Variants in TTC17 observed in about 807,000 individuals in gnomAD.
TTC17 encodes tetratricopeptide repeat domain 17, also known as tetratricopeptide repeat protein 17.
A neutral mutation model predicts 143.8 loss-of-function variants in TTC17; 58 were observed. The observed-to-expected ratio is 0.40, with a 90% confidence interval of 0.33 to 0.50. The LOEUF is 0.50. TTC17 is among the 20% of genes least tolerant of loss of function. The pLI, the probability that TTC17 is intolerant of heterozygous loss-of-function variation, is 0.49. For missense variants in TTC17, 1,273 were observed against 1,392.5 expected (o/e 0.91, Z 1.37); for synonymous variants, 501 against 497.8 (o/e 1.01, Z -0.09).
intron 16 of TTC17, among the ~76,000 whole-genome samples, chr11:43,439,348 A>T (rs1947362606): frequency 6.6e-6 from 1 of 152,080 alleles, no homozygotes; most frequent in African/African-American, 2.4e-5. Flanking sequence ...TGCTTTGGAT[A>T]TCTCTTAAAG....
intron 10 of TTC17, 92 bp from the exon 11 acceptor site, chr11:43,403,906 A>T (rs1857987959): frequency 8.9e-7 from 1 of 1,124,696 alleles, no homozygotes; most frequent in Non-Finnish European, 1.2e-6. Context: ...ACTAATTTTG[A>T]ATATTCACTC....
chr11:43,476,566 A>C (rs990491250), intron 21 of TTC17, among the ~76,000 whole-genome samples: 1 of 152,198 alleles, frequency 6.6e-6, no homozygotes, highest in East Asian at 1.9e-4. Flanking sequence ...CTGTGCACCC[A>C]CAGGCTCAAC....
intron 21 of TTC17, among the ~76,000 whole-genome samples, chr11:43,477,372 C>T (rs1948204117): frequency 6.6e-6 from 1 of 152,158 alleles, no homozygotes; most frequent in Admixed American, 6.5e-5. Context: ...TCAGCAGTGC[C>T]CCACTCTGCT....
chr11:43,445,800 C>T, intron 18 of TTC17: 1 of 620,182 alleles, frequency 1.6e-6, no homozygotes, highest in Non-Finnish European at 2.9e-6. Context: ...TGAATCCTAA[C>T]CAAGTTATAA....
chr11:43,385,122 A>G (rs1857122135), intron 2 of TTC17, among the ~76,000 whole-genome samples: 1 of 152,230 alleles, frequency 6.6e-6, no homozygotes, highest in Non-Finnish European at 1.5e-5. Context: ...GCAGATCTTT[A>G]TCAGAAACTG....
intron 16 of TTC17, 78 bp downstream of exon 16, chr11:43,414,854 A>C: frequency 6.9e-7 from 1 of 1,452,380 alleles, no homozygotes; most frequent in Non-Finnish European, 9.4e-7. Flanking sequence ...ACAGAAAATG[A>C]TTTTCTCTAT....
intron 11 of TTC17, among the ~76,000 whole-genome samples, chr11:43,405,065 A>G (rs1858049363): frequency 6.7e-6 from 1 of 149,708 alleles, no homozygotes; most frequent in Non-Finnish European, 1.5e-5. Context: ...TGGCCCAGTG[A>G]TGTCATCAGT....
intron 5 of TTC17, among the ~76,000 whole-genome samples, chr11:43,394,077 A>AG (rs1392608284): frequency 6.6e-6 from 1 of 152,208 alleles, no homozygotes; most frequent in Admixed American, 6.5e-5. Flanking sequence ...GACTTCATTT[A>AG]GCCTTTATCC....
At chr11:43,479,036 C>T (rs544448520) in intron 21 of TTC17, among the ~76,000 whole-genome samples, 109 of 152,130 alleles carry the variant, frequency 7.2e-4, no homozygotes, top group Middle Eastern at 3.4e-3. Flanking sequence ...GTCAGGAGTT[C>T]GAGACTAGCC....
In TTC17 at chr11:43,400,033, A is replaced by G; in HGVS notation, c.1204A>G (p.Lys402Glu). 1 of 1,613,138 alleles carries G rather than the reference A, an allele frequency of 6.2e-7. No individual in the cohort carries two copies. Among genetic ancestry groups the G allele is most frequent in the Non-Finnish European group, 8.5e-7 (1 of 1,179,658 alleles). ...RNIIHETQMAKEAQLGNHQIC... is the reference protein window; with the variant it reads ...RNIIHETQMAEEAQLGNHQIC... ...TATCATTCATGAGACTCAGATGGCAAAAGAGGCACAATTAGGTAAGTAGTG... is the reference window on the plus strand; with the variant it reads ...TATCATTCATGAGACTCAGATGGCAGAAGAGGCACAATTAGGTAAGTAGTG... Residue 402 changes from lysine (K) to glutamate (E), a missense_variant, in exon 9 of 24, where the codon AAA (lysine) becomes GAA (glutamate). Lys to Glu is a moderately conservative substitution (Grantham distance 56). This residue lies in a region of TTC17 where 325 missense variants were observed against 444.2 expected (regional missense o/e 0.73). Transcript: ENST00000039989.
intron 5 of TTC17, chr11:43,396,028 CA>C (rs1185987744): frequency 6.6e-6 from 1 of 151,996 alleles, no homozygotes; most frequent in African/African-American, 2.4e-5. Context: ...ACATACATGT[CA>C]AATTGTCCCC....
chr11:43,390,343 G>A (rs73549437), intron 3 of TTC17: 20,752 of 152,532 alleles, frequency 0.14, 3,746 homozygotes, highest in African/African-American at 0.42. Context: ...GGCCGGGTGC[G>A]GTGGCTCACA....
At chr11:43,399,754 C>T in intron 8 of TTC17, 134 bp from the exon 9 acceptor site, 2 of 808,978 alleles carry the variant, frequency 2.5e-6, no homozygotes, top group Non-Finnish European at 3.8e-6. Flanking sequence ...ACTGGTGATA[C>T]AGGGTTGTAT....
Position 43,490,246 on chromosome 11 carries a change from C to T in TTC17, c.3038C>T (p.Thr1013Met), listed in dbSNP as rs201040679. ...RIAKVLEKNQ[T>M]SWVLSSMAAL... ...GCTAACATTCCTTTGCAGAACCAGA[C>T]GTCCTGGGTCCTCTCCAGCATGGCA... Residue 1013 changes from threonine (T) to methionine (M), a missense_variant, in exon 22 of 24, where the codon ACG becomes ATG. Transcript: ENST00000039989. 9.9e-6 allele frequency: 16 copies of T among 1,608,982 alleles called. No individual in the cohort carries two copies. Among genetic ancestry groups the T allele is most frequent in the South Asian group, 2.2e-5 (2 of 90,186 alleles).
At chr11:43,455,732 T>G (rs528529657) in intron 21 of TTC17, among the ~76,000 whole-genome samples, 1 of 152,172 alleles carries the variant, frequency 6.6e-6, no homozygotes, top group Non-Finnish European at 1.5e-5. Context: ...AAAAAATAGT[T>G]AATTCCAACC....
chr11:43,429,612 T>G (rs1185046641), intron 16 of TTC17, among the ~76,000 whole-genome samples: 1 of 152,240 alleles, frequency 6.6e-6, no homozygotes, highest in Non-Finnish European at 1.5e-5. Context: ...TTACTAGAGA[T>G]AAATATGAAA....
chr11:43,453,420 A>G (rs573758419), intron 21 of TTC17, among the ~76,000 whole-genome samples: 13 of 152,316 alleles, frequency 8.5e-5, no homozygotes, highest in African/African-American at 2.6e-4. Flanking sequence ...AGATTTTTCA[A>G]CAGCAACTCT....
At chr11:43,465,331 A>G (rs1947950232) in intron 21 of TTC17, among the ~76,000 whole-genome samples, 1 of 152,236 alleles carries the variant, frequency 6.6e-6, no homozygotes, top group Non-Finnish European at 1.5e-5. Flanking sequence ...AAATTATACT[A>G]GACATTCAAG....
At chr11:43,406,498 AT>A (rs1405142768) in intron 13 of TTC17, among the ~76,000 whole-genome samples, 2 of 152,040 alleles carry the variant, frequency 1.3e-5, no homozygotes, top group Non-Finnish European at 2.9e-5. Context: ...ACCATATTAG[AT>A]ATCATTCCAT....
Sources: allele counts gnomAD v4.1 joint callset (sites outside exome capture counted in the v4.1 genomes callset), GRCh38; gene constraint gnomAD v4.1.1; regional missense constraint gnomAD v4.1.1; transcripts MANE v1.5; gene names NCBI Gene and HGNC (gene_info 2026-07-23, HGNC 2026-07-21).